Variants in ATF7IP2 observed in about 807,000 individuals in gnomAD.
The protein encoded by ATF7IP2 is activating transcription factor 7 interacting protein 2.
ATF7IP2 carries 42 observed loss-of-function variants against 64.2 expected under a neutral mutation model. That is an observed-to-expected ratio of 0.65 (90% confidence interval 0.51 to 0.85). The LOEUF (loss-of-function observed/expected upper bound fraction) is 0.85. Among genes scored for constraint, ATF7IP2 ranks in the 40% least tolerant of loss-of-function variants. The pLI is 0.00. For synonymous variants in ATF7IP2, 308 were observed against 272.8 expected (o/e 1.13, Z -1.27); for missense variants, 933 against 784.2 (o/e 1.19, Z -2.27).
chr16:10,423,038 A>G (rs961617355), intron 3 of ATF7IP2, among the ~76,000 whole-genome samples: 1 of 152,168 alleles, frequency 6.6e-6, no homozygotes, highest in African/African-American at 2.4e-5. Context: ...AGGTCAGGAG[A>G]TCAAGACCAT....
chr16:10,432,833 G>T (rs1017747193), intron 5 of ATF7IP2, among the ~76,000 whole-genome samples: 1 of 152,080 alleles, frequency 6.6e-6, no homozygotes, highest in African/African-American at 2.4e-5. Flanking sequence ...AGCCAAGATC[G>T]TGCCACTTCA....
At chr16:10,453,953 C>T (rs915009265) in intron 8 of ATF7IP2, 3 of 151,848 alleles carry the variant, frequency 2.0e-5, no homozygotes, top group Admixed American at 6.6e-5. Flanking sequence ...CAGCTTTCTT[C>T]GTAAGAAGGC....
In ATF7IP2 at chr16:10,482,801, T is replaced by G. The variant is rs1038614585; in HGVS notation, c.*552T>G. 2.6e-5 allele frequency: 4 copies of G among 152,186 alleles called. No individual in the cohort carries two copies. Among genetic ancestry groups the G allele is most frequent in the African/African-American group, 9.7e-5 (4 of 41,428 alleles). The allele number at this position is 152,186 out of a possible 1,614,324, so 9.4% of individuals were successfully genotyped here. On this transcript the variant is annotated 3_prime_UTR_variant, in exon 14 of 14. Transcript: ENST00000562102. ...CTGGAGTACAGTGGTCACTGCAACC[T>G]CCATCTCCCTGGTTCAAGCAATTCT... is the stretch of plus-strand genomic sequence containing the variant.
intron 10 of ATF7IP2, among the ~76,000 whole-genome samples, chr16:10,472,904 T>C (rs1046182315): frequency 6.6e-6 from 1 of 152,116 alleles, no homozygotes; most frequent in African/African-American, 2.4e-5. Flanking sequence ...ATGATAACTT[T>C]TCTCTCTCTC....
intron 9 of ATF7IP2, among the ~76,000 whole-genome samples, chr16:10,463,074 G>A (rs1478292728): frequency 1.3e-5 from 2 of 152,128 alleles, no homozygotes; most frequent in Non-Finnish European, 2.9e-5. Context: ...TAGTCACTAA[G>A]ATTTTCAGAT....
chr16:10,447,437 A>C (rs1173241813), intron 8 of ATF7IP2: 1 of 152,154 alleles, frequency 6.6e-6, no homozygotes, highest in African/African-American at 2.4e-5. Flanking sequence ...GGGCCCCCAA[A>C]TTGTTAGAAA....
chr16:10,396,974 A>G (rs1283885604), intron 1 of ATF7IP2, among the ~76,000 whole-genome samples: 1 of 152,072 alleles, frequency 6.6e-6, no homozygotes, highest in Non-Finnish European at 1.5e-5. Context: ...GCCTACATTT[A>G]ACTTTGTAGT....
rs1268504778 is a variant in ATF7IP2, at chr16:10,416,770, C to T, written c.-203+2158C>T. On this transcript the variant is annotated intron_variant, in intron 2 of 13. Transcript: ENST00000562102. ...CAAGATCACACCACTGCACTCCAGC[C>T]TGGGCAACAGAGCAAGACTCTGTCT... Among the ~76,000 whole-genome samples, 6 of 152,110 alleles carry T rather than the reference C, an allele frequency of 3.9e-5. No homozygotes were observed. In the East Asian group the frequency reaches 1.2e-3, roughly 29 times the overall value.
At chr16:10,450,238 T>C (rs113179272) in intron 8 of ATF7IP2, among the ~76,000 whole-genome samples, 2,517 of 152,300 alleles carry the variant, frequency 0.017, 57 homozygotes, top group African/African-American at 0.057. Context: ...ATTCCAGTTA[T>C]GTGGTCAATT....
intron 9 of ATF7IP2, 52 bp from the exon 10 acceptor site, chr16:10,472,058 G>C: frequency 1.0e-6 from 1 of 966,410 alleles, no homozygotes; most frequent in Non-Finnish European, 1.6e-6. Context: ...GCATGTTTAA[G>C]CCTGATAATG....
intron 8 of ATF7IP2, chr16:10,445,999 C>T (rs1160906076): frequency 6.6e-6 from 1 of 152,200 alleles, no homozygotes; most frequent in Non-Finnish European, 1.5e-5. Flanking sequence ...AAACAATTCA[C>T]ATGTTTGGGC....
intron 1 of ATF7IP2, among the ~76,000 whole-genome samples, chr16:10,403,193 C>T (rs375484789): frequency 6.6e-6 from 1 of 152,124 alleles, no homozygotes; most frequent in African/African-American, 2.4e-5. Flanking sequence ...GCCTGGAGGT[C>T]AGCCCACATA....
At chr16:10,464,707 A>G (rs1448061000) in intron 9 of ATF7IP2, among the ~76,000 whole-genome samples, 1 of 152,202 alleles carries the variant, frequency 6.6e-6, no homozygotes, top group Non-Finnish European at 1.5e-5. Context: ...ATTTCGTGTG[A>G]TAAGGAAATG....
At chr16:10,441,909 C>G (rs1161953359) in intron 8 of ATF7IP2, among the ~76,000 whole-genome samples, 1 of 152,190 alleles carries the variant, frequency 6.6e-6, no homozygotes, top group East Asian at 1.9e-4. Context: ...GATTTCTCAA[C>G]AAGGCAAATT....
chr16:10,470,941 A>G (rs1021764132), intron 9 of ATF7IP2, among the ~76,000 whole-genome samples: 2 of 151,962 alleles, frequency 1.3e-5, no homozygotes, highest in Non-Finnish European at 2.9e-5. Flanking sequence ...TTAGAAGACT[A>G]CACTATCTTT....
Position 10,430,653 on chromosome 16 carries a change from A to G in ATF7IP2, c.33A>G (p.Ile11Met). 6.2e-7 allele frequency: 1 copy of G among 1,613,986 alleles called. No individual in the cohort carries two copies. The highest frequency in any genetic ancestry group is 1.1e-5 in the South Asian group (1 of 91,066). The change falls in exon 5 of 14, where the codon ATA becomes ATG. Residue 11 changes from isoleucine (I) to methionine (M), a missense_variant. By Grantham distance (10) the Ile-to-Met change is conservative. Coordinates refer to ENST00000562102, the MANE Select transcript of ATF7IP2 (RefSeq NM_001393719.1). Reference protein sequence around the residue: MASPDRSKRKILKAKKTMPLS... With the variant: MASPDRSKRKMLKAKKTMPLS... ...GTCCAGATAGAAGTAAACGGAAGAT[A>G]TTAAAAGCCAAAAAGACAATGCCCC...
intron 12 of ATF7IP2, among the ~76,000 whole-genome samples, chr16:10,480,355 C>A (rs7200587): frequency 0.47 from 70,644 of 151,412 alleles, 17,293 homozygotes; most frequent in East Asian, 0.55. Context: ...TTCGTGTTCC[C>A]TTCCTTTCTT....
chr16:10,388,876 G>C, intron 1 of ATF7IP2, among the ~76,000 whole-genome samples: 1 of 152,128 alleles, frequency 6.6e-6, no homozygotes, highest in East Asian at 1.9e-4. Context: ...GCCGGGCGTG[G>C]TGGCCGGCGC....
intron 12 of ATF7IP2, among the ~76,000 whole-genome samples, chr16:10,477,299 T>A (rs2050045947): frequency 6.6e-6 from 1 of 152,206 alleles, no homozygotes; most frequent in Admixed American, 6.5e-5. Context: ...TTGATTTGCG[T>A]ATATTGAACC....
Sources: gnomAD v4.1 joint callset for allele counts (sites outside exome capture counted in the v4.1 genomes callset) on GRCh38, gnomAD v4.1.1 for gene constraint, MANE v1.5 for transcripts, NCBI Gene and HGNC (gene_info 2026-07-23, HGNC 2026-07-21) for gene names.